The following NTM variants were observed in gnomAD, a reference collection of about 807,000 sequenced individuals.
NTM encodes the protein neurotrimin, also known as IgLON family member 2.
A neutral mutation model predicts 42.1 loss-of-function variants in NTM; 13 were observed. The observed-to-expected ratio is 0.31, with a 90% CI of 0.20 to 0.49. NTM has a LOEUF of 0.49. NTM is among the 20% of genes least tolerant of loss of function. The pLI, the probability that NTM is intolerant of heterozygous loss-of-function variation, is 0.99. For missense variants in NTM, 373 were observed against 452.8 expected (o/e 0.82, Z 1.60); for synonymous variants, 187 against 179.2 (o/e 1.04, Z -0.35).
chr11:132,246,982 T>TCTGCTG (rs2091271190), intron 4 of NTM, among the ~76,000 whole-genome samples: 1 of 152,214 alleles, frequency 6.6e-6, no homozygotes, highest in Non-Finnish European at 1.5e-5. Flanking sequence ...TACTGTTCCC[T>TCTGCTG]CTGCTGAGAA....
At chr11:131,667,659 C>T (rs1027934887) in intron 1 of NTM, among the ~76,000 whole-genome samples, 4 of 152,194 alleles carry the variant, frequency 2.6e-5, no homozygotes, top group African/African-American at 7.2e-5. Flanking sequence ...TGTTCAGCCT[C>T]GTGCTTCTCT....
intron 7 of NTM, chr11:132,315,091 C>G: frequency 1.0e-6 from 1 of 999,960 alleles, no homozygotes; most frequent in Non-Finnish European, 1.2e-6. Context: ...TTTTTTTTTT[C>G]TCAGTGATGA....
intron 1 of NTM, among the ~76,000 whole-genome samples, chr11:131,713,997 T>C (rs574247683): frequency 1.3e-5 from 2 of 152,200 alleles, no homozygotes; most frequent in Non-Finnish European, 2.9e-5. Context: ...GGGCTGCGTG[T>C]GCAGTCTTTA....
In NTM at chr11:132,317,195, C is replaced by T. The variant is rs118064756; in HGVS notation, c.934+2492C>T. ...CAGGGGCCTCTGAGAGTTCTGCTCC[C>T]GCACTCCTGAATCACAGTGCTCTGG... On this transcript the variant is annotated intron_variant, in intron 7 of 8. Coordinates refer to ENST00000683400, the MANE Select transcript of NTM (RefSeq NM_001352005.2). 6.9e-3 allele frequency among the ~76,000 whole-genome samples: 1,051 copies of T among 152,268 alleles called. 5 individuals are homozygous for T. The highest frequency in any genetic ancestry group is 0.01 in the Admixed American group (156 of 15,288).
At chr11:132,283,569 A>G (rs1485131163) in intron 4 of NTM, among the ~76,000 whole-genome samples, 1 of 152,120 alleles carries the variant, frequency 6.6e-6, no homozygotes, top group Non-Finnish European at 1.5e-5. Flanking sequence ...TTGAATAACA[A>G]TTTGGATGAA....
At chr11:131,917,201 A>G (rs1238627393) in intron 2 of NTM, among the ~76,000 whole-genome samples, 2 of 152,256 alleles carry the variant, frequency 1.3e-5, no homozygotes, top group Non-Finnish European at 2.9e-5. Flanking sequence ...AAGGTGTTCA[A>G]TAAATTTGTT....
At chr11:131,767,226 T>C in intron 1 of NTM, 1 of 468,088 alleles carries the variant, frequency 2.1e-6, no homozygotes, top group Non-Finnish European at 2.8e-6. Context: ...AGTTAAACAA[T>C]CTTACCTCAT....
At chr11:131,583,733 T>C (rs1353016919) in intron 1 of NTM, among the ~76,000 whole-genome samples, 1 of 152,198 alleles carries the variant, frequency 6.6e-6, no homozygotes. Flanking sequence ...CAGGACTCTT[T>C]AGTTTAATCC....
chr11:131,617,937 G>C (rs932413395), intron 1 of NTM, among the ~76,000 whole-genome samples: 1 of 152,184 alleles, frequency 6.6e-6, no homozygotes, highest in Non-Finnish European at 1.5e-5. Flanking sequence ...TGGACAGGGA[G>C]GGGGCTGTCT....
At chr11:131,883,996 A>G (rs1427168788) in intron 1 of NTM, among the ~76,000 whole-genome samples, 1 of 152,208 alleles carries the variant, frequency 6.6e-6, no homozygotes, top group Non-Finnish European at 1.5e-5. Flanking sequence ...TTTAATAGTT[A>G]CTGAATCCTT....
At chr11:131,717,718 G>A (rs749634909) in intron 1 of NTM, among the ~76,000 whole-genome samples, 4 of 151,968 alleles carry the variant, frequency 2.6e-5, no homozygotes, top group Non-Finnish European at 4.4e-5. Context: ...TTCTTCTTGC[G>A]TTATTGTATT....
chr11:131,537,200 A>AAAC (rs1565613796), intron 1 of NTM: 1 of 151,912 alleles, frequency 6.6e-6, no homozygotes, highest in Admixed American at 6.6e-5. Flanking sequence ...AAAAAAAAAA[A>AAAC]ACAATTGAGT....
intron 1 of NTM, among the ~76,000 whole-genome samples, chr11:131,419,246 C>T (rs899185418): frequency 1.3e-5 from 2 of 152,224 alleles, no homozygotes; most frequent in Non-Finnish European, 2.9e-5. Context: ...GTCTAGTCCT[C>T]AGTCTTAGAG....
intron 2 of NTM, among the ~76,000 whole-genome samples, chr11:132,040,691 A>G (rs2077065992): frequency 6.6e-6 from 1 of 152,232 alleles, no homozygotes; most frequent in African/African-American, 2.4e-5. Flanking sequence ...TATAACACTT[A>G]TAGCCATTAA....
At chr11:132,185,853 G>A (rs559625499) in intron 3 of NTM, among the ~76,000 whole-genome samples, 44 of 152,176 alleles carry the variant, frequency 2.9e-4, no homozygotes, top group African/African-American at 9.2e-4. Context: ...TTTATTTTTG[G>A]GCTCGGATTC....
At chr11:131,404,110 A>C (rs1463633029) in intron 1 of NTM, among the ~76,000 whole-genome samples, 1 of 151,276 alleles carries the variant, frequency 6.6e-6, no homozygotes, top group Non-Finnish European at 1.5e-5. Flanking sequence ...AGCTACAAAC[A>C]CGTTTCTGCT....
chr11:131,837,067 G>A (rs569714678), intron 1 of NTM, among the ~76,000 whole-genome samples: 11 of 152,228 alleles, frequency 7.2e-5, no homozygotes, highest in African/African-American at 2.6e-4. Context: ...TTAGATTACA[G>A]ACAAAACTTA....
intron 1 of NTM, among the ~76,000 whole-genome samples, chr11:131,867,556 GTGTC>G (rs1387005458): frequency 6.6e-6 from 1 of 151,928 alleles, no homozygotes; most frequent in Non-Finnish European, 1.5e-5. Flanking sequence ...GCGTGTTTGG[GTGTC>G]TGTGTGTGTC....
At position 131,633,788 on chromosome 11, in the gene NTM, T is replaced by TCACA. The variant is rs56371727; in HGVS notation, c.82+262915_82+262918dup. 2.4e-3 allele frequency among the ~76,000 whole-genome samples: 130 copies of TCACA among 55,118 alleles called. 2 individuals are homozygous for TCACA. The highest frequency in any genetic ancestry group is 0.015 in the Middle Eastern group (2 of 136). The allele number at this position is 55,118 out of a possible 152,430, so 36.2% of individuals were successfully genotyped here. A position where few individuals can be genotyped will look rare whatever the true frequency, so the allele number is the denominator to read the frequency against. On this transcript the variant is annotated intron_variant, in intron 1 of 8. Coordinates refer to ENST00000683400, the MANE Select transcript of NTM (RefSeq NM_001352005.2). Reference sequence around the variant, plus strand: ...CTCCCTCTCTCTCTCTCTCTCTCTCTCACACACACACACACACAGCCATAC... The same window carrying TCACA: ...CTCCCTCTCTCTCTCTCTCTCTCTCTCACACACACACACACACACACAGCCATAC...
Sources: gnomAD v4.1 joint callset for allele counts (sites outside exome capture counted in the v4.1 genomes callset) on GRCh38, gnomAD v4.1.1 for gene constraint, MANE v1.5 for transcripts, NCBI Gene and HGNC (gene_info 2026-07-23, HGNC 2026-07-21) for gene names.